The following DYRK1A variants were observed in gnomAD, a reference collection of about 807,000 sequenced individuals.
The protein encoded by DYRK1A is dual specificity tyrosine phosphorylation regulated kinase 1A.
DYRK1A carries 9 observed loss-of-function variants against 79.7 expected under a neutral mutation model. The ratio of observed to expected loss-of-function variants is 0.11; its 90% CI spans 0.07 to 0.20. The LOEUF (loss-of-function observed/expected upper bound fraction) is 0.20. DYRK1A is among the 10% of genes least tolerant of loss of function. The pLI is 1.00. For missense variants in DYRK1A, 622 were observed against 956.0 expected (o/e 0.65, Z 4.61); for synonymous variants, 349 against 329.7 (o/e 1.06, Z -0.63).
chr21:37,426,484 C>A (rs1022258214), intron 2 of DYRK1A, among the ~76,000 whole-genome samples: 18 of 151,882 alleles, frequency 1.2e-4, no homozygotes, highest in Non-Finnish European at 1.9e-4. Flanking sequence ...AACACTAAAG[C>A]ACAATGTAAA....
chr21:37,476,762 A>T (rs1213461029), intron 3 of DYRK1A, among the ~76,000 whole-genome samples: 1 of 149,950 alleles, frequency 6.7e-6, no homozygotes, highest in East Asian at 2.0e-4. Context: ...ATTAAATCAG[A>T]TCATCTTCTT....
At chr21:37,419,656 A>G (rs1239421142) in intron 1 of DYRK1A, 2 of 152,184 alleles carry the variant, frequency 1.3e-5, no homozygotes, top group Non-Finnish European at 2.9e-5. Flanking sequence ...TCAGTTGACA[A>G]CACTGAGATT....
chr21:37,507,307 C>G (rs1024669562), intron 11 of DYRK1A, among the ~76,000 whole-genome samples: 1 of 152,166 alleles, frequency 6.6e-6, no homozygotes, highest in Admixed American at 6.5e-5. Context: ...CTTTGGTCTC[C>G]CTCAGCTCCG....
Position 37,492,941 on chromosome 21 carries a change from C to G in DYRK1A, c.925-76C>G, listed in dbSNP as rs1397942266. On this transcript the variant is annotated intron_variant, in intron 7 of 11. Coordinates refer to ENST00000647188, the MANE Select transcript of DYRK1A (RefSeq NM_001347721.2). The stretch of plus-strand genomic sequence containing the variant: ...TTAGCCAATTCTTTTCTGTTAATAT[C>G]AGATCAATGTTTTTAATCCAATGCT... The G allele has an allele frequency of 4.1e-6, 5 of 1,230,038 alleles. No individual in the cohort carries two copies. The East Asian group carries it at 9.5e-5, about 23-fold the overall frequency. 76.2% of individuals were successfully genotyped at this position (1,230,038 alleles called of 1,614,324 possible).
rs148423267 is a variant in DYRK1A at position 37,512,265 on chromosome 21, G to A, written c.1999G>A (p.Gly667Ser). 1 of 1,614,204 alleles carries A rather than the reference G, an allele frequency of 6.2e-7. No individual in the cohort carries two copies. Among genetic ancestry groups the A allele is most frequent in the Non-Finnish European group, 8.5e-7 (1 of 1,180,034 alleles). The change falls in exon 12 of 12, where the codon GGC (glycine) becomes AGC (serine). Residue 667 changes from glycine (G) to serine (S), a missense_variant. Around this residue, in one of 5 missense-constraint regions of DYRK1A, gnomAD observed 292 missense variants for 316.7 expected, o/e 0.92. Coordinates refer to ENST00000647188, the MANE Select transcript of DYRK1A (RefSeq NM_001347721.2). ...STSSSSTGNQ[G>S]NQAYQNRPVA... ...ATCTTCCTCCTCTACTGGTAACCAAGGCAATCAGGCCTACCAGAATCGCCC... is the reference window on the plus strand; with the variant it reads ...ATCTTCCTCCTCTACTGGTAACCAAAGCAATCAGGCCTACCAGAATCGCCC...
intron 5 of DYRK1A, among the ~76,000 whole-genome samples, chr21:37,482,449 A>C (rs1332055205): frequency 6.6e-6 from 1 of 152,172 alleles, no homozygotes; most frequent in East Asian, 1.9e-4. Flanking sequence ...AGGGATTTTC[A>C]AAAGGGGAGG....
intron 4 of DYRK1A, among the ~76,000 whole-genome samples, chr21:37,480,413 A>G (rs957489230): frequency 1.3e-5 from 2 of 152,244 alleles, no homozygotes; most frequent in Non-Finnish European, 2.9e-5. Flanking sequence ...CTTTTCTTGA[A>G]TGGCATACTT....
intron 1 of DYRK1A, among the ~76,000 whole-genome samples, chr21:37,382,859 A>G (rs1441350401): frequency 1.3e-5 from 2 of 152,228 alleles, no homozygotes; most frequent in Non-Finnish European, 2.9e-5. Flanking sequence ...TTAGAGAAAA[A>G]GAAGAGTTTC....
chr21:37,427,899 C>A (rs193171466), intron 2 of DYRK1A, among the ~76,000 whole-genome samples: 2 of 152,050 alleles, frequency 1.3e-5, no homozygotes, highest in African/African-American at 2.4e-5. Context: ...TTGTGAGTTT[C>A]CTTTTATCAT....
intron 7 of DYRK1A, among the ~76,000 whole-genome samples, chr21:37,491,040 G>A (rs551670637): frequency 6.6e-6 from 1 of 152,182 alleles, no homozygotes; most frequent in Admixed American, 6.5e-5. Context: ...ATTAGTCATG[G>A]TATAAGTATA....
intron 1 of DYRK1A, among the ~76,000 whole-genome samples, chr21:37,371,862 T>A (rs936172989): frequency 1.3e-5 from 2 of 152,170 alleles, no homozygotes; most frequent in Non-Finnish European, 2.9e-5. Flanking sequence ...TTAAATAACA[T>A]CCCTGTTCAT....
At chr21:37,422,149 C>A (rs2050493125) in intron 2 of DYRK1A, among the ~76,000 whole-genome samples, 2 of 152,052 alleles carry the variant, frequency 1.3e-5, no homozygotes, top group African/African-American at 4.8e-5. Context: ...AATCCAATCT[C>A]TTATTCAGCC....
intron 2 of DYRK1A, among the ~76,000 whole-genome samples, chr21:37,459,614 T>G (rs535938581): frequency 1.3e-5 from 2 of 152,348 alleles, no homozygotes; most frequent in South Asian, 2.1e-4. Flanking sequence ...TAAATAATGT[T>G]ATTCTAATAC....
At chr21:37,463,463 T>G (rs1478894571) in intron 2 of DYRK1A, among the ~76,000 whole-genome samples, 3 of 152,210 alleles carry the variant, frequency 2.0e-5, no homozygotes, top group African/African-American at 7.2e-5. Flanking sequence ...GAGCAATAGC[T>G]GTAGCCTGTG....
chr21:37,506,732 C>T (rs2053609613), intron 11 of DYRK1A, among the ~76,000 whole-genome samples: 1 of 152,046 alleles, frequency 6.6e-6, no homozygotes, highest in Non-Finnish European at 1.5e-5. Flanking sequence ...AGTACTTTTT[C>T]AAAATTGGAG....
chr21:37,369,733 C>T (rs2049392611), intron 1 of DYRK1A, among the ~76,000 whole-genome samples: 1 of 152,178 alleles, frequency 6.6e-6, no homozygotes, highest in African/African-American at 2.4e-5. Context: ...AGGAATAGAC[C>T]TGAATGAATG....
intron 1 of DYRK1A, among the ~76,000 whole-genome samples, 195 bp downstream of exon 1, chr21:37,367,823 C>T (rs1183843827): frequency 1.3e-5 from 2 of 150,634 alleles, no homozygotes; most frequent in East Asian, 4.0e-4. Context: ...CGGGCGCGAG[C>T]GGAGGGAAAG....
In DYRK1A at chr21:37,383,089, A is replaced by G. The variant is rs961402558; in HGVS notation, c.-77+15461A>G. 4.6e-5 allele frequency among the ~76,000 whole-genome samples: 7 copies of G among 152,198 alleles called. No individual in the cohort carries two copies. The South Asian group carries it at 6.2e-4, about 14-fold the overall frequency. On this transcript the variant is annotated intron_variant, in intron 1 of 11. Coordinates refer to ENST00000647188, the MANE Select transcript of DYRK1A (RefSeq NM_001347721.2). The stretch of plus-strand genomic sequence containing the variant: ...TTTCCCCACCGCTTTTGCAGTTAGG[A>G]TGCAATCCTGTGGCCTCCATGACTG...
intron 2 of DYRK1A, among the ~76,000 whole-genome samples, chr21:37,450,178 C>T (rs555624307): frequency 6.6e-6 from 1 of 152,282 alleles, no homozygotes; most frequent in South Asian, 2.1e-4. Flanking sequence ...ATTGTCAAAA[C>T]TTTGGTCACT....
Sources: gnomAD v4.1 joint callset for allele counts (sites outside exome capture counted in the v4.1 genomes callset) on GRCh38, gnomAD v4.1.1 for gene constraint, gnomAD v4.1.1 regional missense constraint, MANE v1.5 for transcripts, NCBI Gene and HGNC (gene_info 2026-07-23, HGNC 2026-07-21) for gene names.